ZNF837: variants seen among roughly 807,000 people sequenced by gnomAD.
ZNF837 encodes zinc finger protein 837.
For synonymous variants in ZNF837, 475 were observed against 365.2 expected, an observed-to-expected ratio of 1.30 and a Z score of -3.43; for missense variants, 955 against 801.7, an observed-to-expected ratio of 1.19 and a Z score of -2.31.
intron 1 of ZNF837, among the ~76,000 whole-genome samples, 167 bp downstream of exon 1, chr19:58,380,774 G>A (rs2052283451): frequency 6.6e-6 from 1 of 152,232 alleles, no homozygotes; most frequent in Admixed American, 6.5e-5. Flanking sequence ...GTGCTGTGTG[G>A]CCGGTCCGGA....
At chr19:58,374,947 A>G (rs1408124779) in intron 1 of ZNF837, among the ~76,000 whole-genome samples, 3 of 121,290 alleles carry the variant, frequency 2.5e-5, no homozygotes, top group Non-Finnish European at 5.4e-5. Flanking sequence ...AAAAAAAATT[A>G]TATATATATA....
rs7255489 is a variant in ZNF837, at chr19:58,368,598, A to G, written c.735T>C (p.Ser245=). The change falls in exon 3 of 3, where the codon AGT becomes AGC. Residue 245 remains serine, a synonymous_variant. Coordinates refer to ENST00000597582, the MANE Select transcript of ZNF837 (RefSeq NM_138466.2). ...RPNQQQQAGK[S]PPVCPECGQT... ...GGCCGCACTCAGGACACACTGGGGG[A>G]CTCTTGCCCGCCTGCTGCTGCTGGT... The G allele has an allele frequency of 0.93, 1,432,568 of 1,534,224 alleles. 669,687 individuals are homozygous for G. The highest frequency in any genetic ancestry group is 0.95 in the Non-Finnish European group (1,083,954 of 1,144,660).
At position 58,368,143 on chromosome 19, in the gene ZNF837, C is replaced by T. The variant is rs1411967303; in HGVS notation, c.1190G>A (p.Gly397Asp). 4 of 1,587,070 alleles carry T rather than the reference C, an allele frequency of 2.5e-6. No homozygotes were observed. In the African/African-American group the frequency reaches 5.4e-5, roughly 21 times the overall value. The change falls in exon 3 of 3, where the codon GGC becomes GAC. Residue 397 changes from glycine to aspartate, a missense_variant. Physicochemically the swap from Gly to Asp is moderately conservative, Grantham distance 94 (BLOSUM62 -1). Transcript: ENST00000597582. ...GTTCGAGCGCTGGTTGAAGGCCTTG[C>T]CGCACTCGGGGCACGCGTAGGGCTT... ...GEKPYACPEC[G>D]KAFNQRSNLS...
At chr19:58,376,818 GC>G (rs1368909048) in intron 1 of ZNF837, among the ~76,000 whole-genome samples, 16 of 151,770 alleles carry the variant, frequency 1.1e-4, no homozygotes, top group African/African-American at 3.9e-4. Context: ...AGTGGCTTAT[GC>G]CTATAATCCC....
Position 58,372,037 on chromosome 19 carries a change from A to G in ZNF837, c.-139-2109T>C, listed in dbSNP as rs906280716. 7.4e-5 allele frequency among the ~76,000 whole-genome samples: 11 copies of G among 149,432 alleles called. No homozygotes were observed. The South Asian group carries it at 8.5e-4, about 12-fold the overall frequency. ...TACCTGGCCAGATATCCCTTTATTTATTTGTTTGTTTGTTTGTTTATTTTT... is the reference window on the plus strand; with the variant it reads ...TACCTGGCCAGATATCCCTTTATTTGTTTGTTTGTTTGTTTGTTTATTTTT... On this transcript the variant is annotated intron_variant, in intron 1 of 2. Transcript: ENST00000597582.
In ZNF837 at chr19:58,367,717, C is replaced by T; in HGVS notation, c.*20G>A. On this transcript the variant is annotated 3_prime_UTR_variant, in exon 3 of 3. Coordinates refer to ENST00000597582, the MANE Select transcript of ZNF837 (RefSeq NM_138466.2). ...CGCAGGGTTCGCTTGGGCGACGCGTCGACTCTCGGCTCCCTGCAGTCAAGG... is the reference window on the plus strand; with the variant it reads ...CGCAGGGTTCGCTTGGGCGACGCGTTGACTCTCGGCTCCCTGCAGTCAAGG... 6.7e-7 allele frequency: 1 copy of T among 1,483,628 alleles called. No individual in the cohort carries two copies. Among genetic ancestry groups the T allele is most frequent in the South Asian group, 1.3e-5 (1 of 76,738 alleles). 91.9% of individuals were successfully genotyped at this position (1,483,628 alleles called of 1,614,324 possible).
At position 58,368,199 on chromosome 19, in the gene ZNF837, G is replaced by C; in HGVS notation, c.1134C>G (p.Leu378=). 6.4e-7 allele frequency: 1 copy of C among 1,560,072 alleles called. No homozygotes were observed. Among genetic ancestry groups the C allele is most frequent in the East Asian group, 2.4e-5 (1 of 42,228 alleles). The part of the protein sequence containing the change: ...CAKAFGLFSH[L]VEHRRVHTGE... The stretch of plus-strand genomic sequence containing the variant: ...CGGTGTGCACGCGCCGGTGCTCCAC[G>C]AGGTGCGAGAACAGCCCGAAGGCCT... Residue 378 remains leucine (L), a synonymous_variant, in exon 3 of 3, where the codon CTC becomes CTG. Transcript: ENST00000597582.
At position 58,368,469 on chromosome 19, in the gene ZNF837, C is replaced by A; in HGVS notation, c.864G>T (p.Gln288His). ...GCTCGCCCGTGTGGATGCGCTGGTG[C>A]TGCAGCAGGCTGGAGGTGCGCGTGA... Reference protein sequence around the residue: ...KAFTRTSSLLQHQRIHTGERP... With the variant: ...KAFTRTSSLLHHQRIHTGERP... The change falls in exon 3 of 3, where the codon CAG becomes CAT. Residue 288 changes from glutamine (Q) to histidine (H), a missense_variant. Physicochemically the swap from Gln to His is conservative, Grantham distance 24 (BLOSUM62 0). Coordinates refer to ENST00000597582, the MANE Select transcript of ZNF837 (RefSeq NM_138466.2). 1 of 1,569,006 alleles carries A rather than the reference C, an allele frequency of 6.4e-7. No individual in the cohort carries two copies.
At chr19:58,376,548 C>CT (rs1373125505) in intron 1 of ZNF837, among the ~76,000 whole-genome samples, 1 of 70,628 alleles carries the variant, frequency 1.4e-5, no homozygotes, top group Non-Finnish European at 2.4e-5. Flanking sequence ...GAGCAAGACT[C>CT]TGTCTCAAAA....
chr19:58,379,414 C>G (rs2052273170), intron 1 of ZNF837, among the ~76,000 whole-genome samples: 1 of 152,236 alleles, frequency 6.6e-6, no homozygotes, highest in Non-Finnish European at 1.5e-5. Context: ...TCTCCTTGAT[C>G]TGCTCCCAGG....
Position 58,368,547 on chromosome 19 carries a change from G to A in ZNF837, c.786C>T (p.Val262=), listed in dbSNP as rs2052165180. The change falls in exon 3 of 3, where the codon GTC becomes GTT. Residue 262 remains valine (V), a synonymous_variant. Transcript: ENST00000597582. Reference sequence around the variant, plus strand: ...ACAGTCGCTGGGCCGGGGGGTCGGGGACAATAGGGCGAGGTCGCGAGGTTT... The same window carrying A: ...ACAGTCGCTGGGCCGGGGGGTCGGGAACAATAGGGCGAGGTCGCGAGGTTT... ...CGQTSRPRPI[V]PDPPAQRLYA... is the part of the protein sequence containing the mutation. 4 of 1,481,494 alleles carry A rather than the reference G, an allele frequency of 2.7e-6. No homozygotes were observed. The highest frequency in any genetic ancestry group is 2.7e-6 in the Non-Finnish European group (3 of 1,092,028). 91.8% of individuals were successfully genotyped at this position (1,481,494 alleles called of 1,614,324 possible). A position where few individuals can be genotyped will look rare whatever the true frequency, so the allele number is the denominator to read the frequency against.
chr19:58,379,301 A>C (rs893148364), intron 1 of ZNF837, among the ~76,000 whole-genome samples: 3 of 152,218 alleles, frequency 2.0e-5, no homozygotes, highest in Non-Finnish European at 4.4e-5. Context: ...ATTGGTCCCC[A>C]GATGCCCTGC....
At position 58,369,188 on chromosome 19, in the gene ZNF837, C is replaced by A; in HGVS notation, c.145G>T (p.Asp49Tyr). The A allele has an allele frequency of 6.9e-7, 1 of 1,449,866 alleles. No individual in the cohort carries two copies. Among genetic ancestry groups the A allele is most frequent in the Non-Finnish European group, 9.1e-7 (1 of 1,102,048 alleles). 89.8% of individuals were successfully genotyped at this position (1,449,866 alleles called of 1,614,324 possible). A position where few individuals can be genotyped will look rare whatever the true frequency, so the allele number is the denominator to read the frequency against. ...RAGSRPTQKG[D>Y]LRGAAGGRTT... is the part of the protein sequence containing the mutation. ...CTACCGCCCGCCGCTCCACGCAGGTCCCCCTTTTGAGTGGGGCGGCTCCCA... is the reference window on the plus strand; with the variant it reads ...CTACCGCCCGCCGCTCCACGCAGGTACCCCTTTTGAGTGGGGCGGCTCCCA... Residue 49 changes from aspartate (D) to tyrosine (Y), a missense_variant, in exon 3 of 3, where the codon GAC becomes TAC. By Grantham distance (160) the Asp-to-Tyr change is radical (BLOSUM62 -3). Coordinates refer to ENST00000597582, the MANE Select transcript of ZNF837 (RefSeq NM_138466.2).
In ZNF837 at chr19:58,375,270, GTATATATATATATATATATATATATATA is replaced by G. The variant is rs58582835; in HGVS notation, c.-139-5370_-139-5343del. On this transcript the variant is annotated intron_variant, in intron 1 of 2. Transcript: ENST00000597582. The stretch of plus-strand genomic sequence containing the variant: ...GAATCTGTCTCAAAAAAAAAAAAAA[GTATATATATATATATATATATATATATA>G]TATATATATATATAAAATTACATAT... Among the ~76,000 whole-genome samples the G allele has an allele frequency of 2.3e-4, 8 of 34,870 alleles. No homozygotes were observed. In the South Asian group the frequency reaches 6.0e-3, roughly 26 times the overall value. 22.9% of individuals were successfully genotyped at this position (34,870 alleles called of 152,430 possible).
chr19:58,368,655 C>T lies in ZNF837; in HGVS notation c.678G>A (p.Pro226=), dbSNP rs1356769653. 1 of 1,529,060 alleles carries T rather than the reference C, an allele frequency of 6.5e-7. No homozygotes were observed. The highest frequency in any genetic ancestry group is 8.8e-7 in the Non-Finnish European group (1 of 1,142,442). 94.7% of individuals were successfully genotyped at this position (1,529,060 alleles called of 1,614,324 possible). A position where few individuals can be genotyped will look rare whatever the true frequency, so the allele number is the denominator to read the frequency against. ...GGAAGCGCTTCCCGCACCGGGCACA[C>T]GGACGGGGCTCCTCCGTCGCCTGCA... ...ERLQATEEPR[P]CARCGKRFRP... is the part of the protein sequence containing the mutation. Residue 226 remains proline (P), a synonymous_variant, in exon 3 of 3, where the codon CCG becomes CCA. Transcript: ENST00000597582.
chr19:58,375,270 GTATATATATATATATATA>G lies in ZNF837; in HGVS notation c.-139-5360_-139-5343del, dbSNP rs58582835. Among the ~76,000 whole-genome samples, 19 of 34,856 alleles carry G rather than the reference GTATATATATATATATATA, an allele frequency of 5.5e-4. 2 individuals carry two copies. Among genetic ancestry groups the G allele is most frequent in the African/African-American group, 1.4e-3 (15 of 10,346 alleles). The allele number at this position is 34,856 out of a possible 152,430, so 22.9% of individuals were successfully genotyped here. The stretch of plus-strand genomic sequence containing the variant: ...GAATCTGTCTCAAAAAAAAAAAAAA[GTATATATATATATATATA>G]TATATATATATATATATATATATAA... On this transcript the variant is annotated intron_variant, in intron 1 of 2. Coordinates refer to ENST00000597582, the MANE Select transcript of ZNF837 (RefSeq NM_138466.2).
In ZNF837 at chr19:58,368,502, G is replaced by T; in HGVS notation, c.831C>A (p.Gly277=). The stretch of plus-strand genomic sequence containing the variant: ...GGCTGGAGGTGCGCGTGAAGGCCTT[G>T]CCGCACTCGTCGCAAGCGTACAGTC... ...AQRLYACDEC[G]KAFTRTSSLL... Residue 277 remains glycine (G), a synonymous_variant, in exon 3 of 3, where the codon GGC becomes GGA. Transcript: ENST00000597582. 2 of 1,553,632 alleles carry T rather than the reference G, an allele frequency of 1.3e-6. No homozygotes were observed. Among genetic ancestry groups the T allele is most frequent in the East Asian group, 2.4e-5 (1 of 41,286 alleles).
chr19:58,373,286 C>T (rs897177235), intron 1 of ZNF837, among the ~76,000 whole-genome samples: 7 of 152,234 alleles, frequency 4.6e-5, no homozygotes, highest in South Asian at 2.1e-4. Context: ...CCACTGTGGG[C>T]TCTGCCACTT....
intron 1 of ZNF837, among the ~76,000 whole-genome samples, chr19:58,374,133 C>T (rs1770565609): frequency 2.6e-5 from 4 of 152,210 alleles, no homozygotes; most frequent in African/African-American, 9.6e-5. Context: ...AAACCTTCAG[C>T]TCCACAGAAA....
Sources: allele counts gnomAD v4.1 joint callset (sites outside exome capture counted in the v4.1 genomes callset), GRCh38; gene constraint gnomAD v4.1.1; transcripts MANE v1.5; gene names NCBI Gene and HGNC (gene_info 2026-07-23, HGNC 2026-07-21).